The following TRPM2 variants were observed in gnomAD, a reference collection of about 807,000 sequenced individuals.
TRPM2 encodes estrogen-responsive element-associated gene 1 protein.
Under a neutral mutation model 174.0 loss-of-function variants are expected in TRPM2, and 161 were observed. The ratio of observed to expected loss-of-function variants is 0.93; its 90% CI spans 0.81 to 1.05. The LOEUF (loss-of-function observed/expected upper bound fraction) is 1.05. Among genes scored for constraint, TRPM2 ranks in the 50% least tolerant of loss-of-function variants. TRPM2 has a pLI of 0.00. For missense variants in TRPM2, 2,057 were observed against 2,038.0 expected, an observed-to-expected ratio of 1.01 and a Z score of -0.18; for synonymous variants, 954 against 861.3, an observed-to-expected ratio of 1.11 and a Z score of -1.88.
At chr21:44,422,552 T>G in intron 22 of TRPM2, 1 of 1,219,274 alleles carries the variant, frequency 8.2e-7, no homozygotes, top group Non-Finnish European at 1.1e-6. Context: ...CCCCAGAAAG[T>G]TTCTGTGTTA....
intron 22 of TRPM2, among the ~76,000 whole-genome samples, chr21:44,419,585 G>A (rs62218785): frequency 0.065 from 16 of 246 alleles, no homozygotes; most frequent in Non-Finnish European, 0.094. Flanking sequence ...GATGGTAGTG[G>A]TGGTAGTGGT....
intron 5 of TRPM2, among the ~76,000 whole-genome samples, chr21:44,375,532 C>A (rs2048673189): frequency 6.6e-6 from 1 of 152,216 alleles, no homozygotes. Flanking sequence ...GTCCGGCTTT[C>A]TCCACTTGTG....
intron 16 of TRPM2, among the ~76,000 whole-genome samples, chr21:44,402,500 T>G (rs1187682600): frequency 6.6e-6 from 1 of 152,062 alleles, no homozygotes; most frequent in African/African-American, 2.4e-5. Context: ...GGCCTTGGTG[T>G]CTACTGGAGG....
At position 44,381,405 on chromosome 21, in the gene TRPM2, T is replaced by A. The variant is rs1016766484; in HGVS notation, c.1216-1313T>A. On this transcript the variant is annotated intron_variant, in intron 8 of 31. Transcript: ENST00000397928. The stretch of plus-strand genomic sequence containing the variant: ...GATGGATGGATGGATGGATGGATGG[T>A]GGGTGGGTGGTAGATAGATGGATGG... Among the ~76,000 whole-genome samples, 3 of 144,128 alleles carry A rather than the reference T, an allele frequency of 2.1e-5. No homozygotes were observed. The East Asian group carries it at 6.3e-4, about 30-fold the overall frequency. The allele number at this position is 144,128 out of a possible 152,430, so 94.6% of individuals were successfully genotyped here.
chr21:44,401,183 C>T (rs571137395), intron 15 of TRPM2, among the ~76,000 whole-genome samples: 2 of 152,300 alleles, frequency 1.3e-5, no homozygotes, highest in East Asian at 3.9e-4. Context: ...CCTCTGCTCC[C>T]GTTCCAGCGG....
At chr21:44,434,317 G>A (rs1000082273) in intron 27 of TRPM2, among the ~76,000 whole-genome samples, 6 of 150,860 alleles carry the variant, frequency 4.0e-5, no homozygotes, top group Middle Eastern at 3.4e-3. Flanking sequence ...AGACTGTGGC[G>A]AGGACTGTGG....
intron 2 of TRPM2, among the ~76,000 whole-genome samples, chr21:44,358,199 G>A (rs2048112067): frequency 6.6e-6 from 1 of 152,152 alleles, no homozygotes; most frequent in South Asian, 2.1e-4. Flanking sequence ...TCTCATTTCC[G>A]TGTCTGCTGT....
chr21:44,406,187 C>G (rs1363905798), intron 18 of TRPM2, 150 bp downstream of exon 18: 6 of 1,025,812 alleles, frequency 5.8e-6, no homozygotes, highest in Non-Finnish European at 8.5e-6. Flanking sequence ...CCCAAGAATG[C>G]CCTTCTCGTA....
Position 44,437,107 on chromosome 21 carries a change from G to A in TRPM2, c.4107G>A (p.Lys1369=). 6.4e-7 allele frequency: 1 copy of A among 1,551,378 alleles called. No homozygotes were observed. Among genetic ancestry groups the A allele is most frequent in the Non-Finnish European group, 8.7e-7 (1 of 1,146,906 alleles). Residue 1369 remains lysine, a synonymous_variant, in exon 29 of 32, where the codon AAG becomes AAA. Transcript: ENST00000397928. Reference sequence around the variant, plus strand: ...GAGCCATCTGCAGGAAGAGCATAAAGAAGATGCTGGAAGTGCTGGTGGTGA... The same window carrying A: ...GAGCCATCTGCAGGAAGAGCATAAAAAAGATGCTGGAAGTGCTGGTGGTGA... ...EDGAICRKSI[K]KMLEVLVVKL...
At chr21:44,363,937 G>A (rs1602131810) in intron 2 of TRPM2, among the ~76,000 whole-genome samples, 177 bp from the exon 3 acceptor site, 1 of 152,340 alleles carries the variant, frequency 6.6e-6, no homozygotes, top group South Asian at 2.1e-4. Context: ...CTGAGGGTGA[G>A]AAGAGCTCCA....
intron 12 of TRPM2, 23 bp from the exon 13 acceptor site, chr21:44,397,723 CA>C (rs2049473946): frequency 3.9e-6 from 6 of 1,545,286 alleles, no homozygotes; most frequent in Non-Finnish European, 5.2e-6. Flanking sequence ...TCTTTAGTCT[CA>C]CGGTGGCTCC....
chr21:44,427,899 G>A (rs1380381487), intron 27 of TRPM2, among the ~76,000 whole-genome samples: 1 of 152,134 alleles, frequency 6.6e-6, no homozygotes, highest in Non-Finnish European at 1.5e-5. Context: ...CTCTGGTGTT[G>A]GGGGTATGTG....
At chr21:44,406,524 G>A (rs2049882848) in intron 18 of TRPM2, 70 bp from the exon 19 acceptor site, 1 of 1,518,372 alleles carries the variant, frequency 6.6e-7, no homozygotes, top group African/African-American at 1.4e-5. Flanking sequence ...CACCGCTGCT[G>A]GGCCTGCCTC....
chr21:44,410,331 ACCACACTG>A (rs2050062058), intron 19 of TRPM2, among the ~76,000 whole-genome samples: 2 of 64,944 alleles, frequency 3.1e-5, no homozygotes, highest in African/African-American at 9.7e-5. Flanking sequence ...GTAAGTTTTG[ACCACACTG>A]TCTTGGTTGG....
intron 11 of TRPM2, among the ~76,000 whole-genome samples, chr21:44,393,667 T>G (rs1395145256): frequency 6.6e-6 from 1 of 152,116 alleles, no homozygotes; most frequent in African/African-American, 2.4e-5. Flanking sequence ...CCAGTGCCTT[T>G]TTTTTTTAAT....
In TRPM2 at chr21:44,438,317, G is replaced by A. The variant is rs1406207047; in HGVS notation, c.4168-750G>A. Among the ~76,000 whole-genome samples, 1 of 152,216 alleles carries A rather than the reference G, an allele frequency of 6.6e-6. No homozygotes were observed. Among genetic ancestry groups the A allele is most frequent in the Non-Finnish European group, 1.5e-5 (1 of 68,048 alleles). On this transcript the variant is annotated intron_variant, in intron 29 of 31. Coordinates refer to ENST00000397928, the MANE Select transcript of TRPM2 (RefSeq NM_003307.4). This position sits in a 1 kb window ranked among gnomAD's most constrained non-coding sequence, Gnocchi z 5.9. ...GCACTTTGGCCTCTCCATGCGGGGT[G>A]CGTGGAGTTGGGTTTGGGGGTCCCA...
At chr21:44,424,769 G>A (rs2050688069) in intron 23 of TRPM2, 83 bp from the exon 24 acceptor site, 2 of 855,588 alleles carry the variant, frequency 2.3e-6, no homozygotes, top group Non-Finnish European at 3.4e-6. Flanking sequence ...CTGGCTGGGG[G>A]AGTGAAGTCT....
intron 3 of TRPM2, among the ~76,000 whole-genome samples, chr21:44,365,651 T>A (rs1448952901): frequency 6.6e-6 from 1 of 152,046 alleles, no homozygotes; most frequent in Non-Finnish European, 1.5e-5. Flanking sequence ...GAGCCTGGGG[T>A]CTGGCTGCAT....
At chr21:44,358,032 C>G (rs28688635) in intron 2 of TRPM2, among the ~76,000 whole-genome samples, 38,217 of 152,060 alleles carry the variant, frequency 0.25, 5,301 homozygotes, top group African/African-American at 0.38. Flanking sequence ...CACAGCTTTT[C>G]AAGCAGATTT....
Sources: allele counts gnomAD v4.1 joint callset (sites outside exome capture counted in the v4.1 genomes callset), GRCh38; gene constraint gnomAD v4.1.1; non-coding constraint Gnocchi (gnomAD v3.1); transcripts MANE v1.5; gene names NCBI Gene and HGNC (gene_info 2026-07-23, HGNC 2026-07-21).